SP1: variants seen among roughly 807,000 people sequenced by gnomAD.
The protein encoded by SP1 is Sp1 transcription factor.
In SP1, 6 loss-of-function variants were observed where a neutral mutation model predicts 66.3. The ratio of observed to expected loss-of-function variants is 0.09; its 90% CI spans 0.05 to 0.18. SP1 has a LOEUF of 0.18. Among genes scored for constraint, SP1 ranks in the 10% least tolerant of loss-of-function variants. SP1 has a pLI of 1.00. For synonymous variants in SP1, 417 were observed against 360.8 expected (o/e 1.16, Z -1.77); for missense variants, 848 against 964.5 (o/e 0.88, Z 1.60).
At chr12:53,388,918 C>T (rs904441417) in intron 3 of SP1, among the ~76,000 whole-genome samples, 93 of 150,662 alleles carry the variant, frequency 6.2e-4, no homozygotes, top group African/African-American at 2.1e-3. Flanking sequence ...AGGTTGAGGA[C>T]GCAGTGAGCC....
Position 53,406,833 on chromosome 12 carries a change from T to G in SP1, c.1844+80T>G. On this transcript the variant is annotated intron_variant, in intron 4 of 5. Transcript: ENST00000327443. ...AGATAAGAGGAAGAAGATTAATTTT[T>G]TTTTTTTTTGAGACCGAGTCTGACT... 4.4e-6 allele frequency: 6 copies of G among 1,348,520 alleles called. No individual in the cohort carries two copies. In the South Asian group the frequency reaches 8.5e-5, roughly 19 times the overall value. The allele number at this position is 1,348,520 out of a possible 1,614,324, so 83.5% of individuals were successfully genotyped here.
intron 3 of SP1, among the ~76,000 whole-genome samples, chr12:53,384,936 G>T (rs1938192361): frequency 6.6e-6 from 1 of 150,932 alleles, no homozygotes; most frequent in African/African-American, 2.4e-5. Context: ...AGTGAGCCAA[G>T]ATTGCACCAC....
Position 53,381,695 on chromosome 12 carries a change from T to G in SP1, c.44T>G (p.Val15Gly). The change falls in exon 2 of 6, where the codon GTG becomes GGG. Residue 15 changes from valine (V) to glycine (G), a missense_variant. Val to Gly is a moderately radical substitution (Grantham distance 109). Coordinates refer to ENST00000327443, the MANE Select transcript of SP1 (RefSeq NM_138473.3). ...DHSMDEMTAV[V>G]KIEKGVGGNN... ...TCCATGGATGAAATGACAGCTGTGG[T>G]GAAAATTGAAAAAGGAGTTGGTGGC... 6.2e-7 allele frequency: 1 copy of G among 1,613,746 alleles called. No homozygotes were observed. The highest frequency in any genetic ancestry group is 8.5e-7 in the Non-Finnish European group (1 of 1,179,862).
In SP1 at chr12:53,380,198, C is replaced by T. The variant is rs1018593327; in HGVS notation, c.-94C>T. On this transcript the variant is annotated 5_prime_UTR_variant, in exon 1 of 6. Coordinates refer to ENST00000327443, the MANE Select transcript of SP1 (RefSeq NM_138473.3). ...CTTACCCCCCCCTCCCTGTCCGGTC[C>T]GGGTTCGCTTGCCTCGTCAGCGTCC... 2.2e-6 allele frequency: 2 copies of T among 891,638 alleles called. No homozygotes were observed. Among genetic ancestry groups the T allele is most frequent in the Non-Finnish European group, 3.7e-6 (2 of 540,312 alleles). The allele number at this position is 891,638 out of a possible 1,614,324, so 55.2% of individuals were successfully genotyped here. A position where few individuals can be genotyped will look rare whatever the true frequency, so the allele number is the denominator to read the frequency against.
intron 3 of SP1, among the ~76,000 whole-genome samples, chr12:53,389,395 G>T (rs1938302424): frequency 6.6e-6 from 1 of 151,760 alleles, no homozygotes; most frequent in African/African-American, 2.4e-5. Flanking sequence ...TTTTAATCGA[G>T]ATTGAGTTTC....
chr12:53,388,977 C>CAAA (rs59161932), intron 3 of SP1, among the ~76,000 whole-genome samples: 2 of 140,124 alleles, frequency 1.4e-5, no homozygotes, highest in Admixed American at 7.2e-5. Context: ...GAGTCCCTGT[C>CAAA]AAAAAAAAAA....
chr12:53,394,604 G>A (rs1463031032), intron 3 of SP1, among the ~76,000 whole-genome samples: 1 of 135,192 alleles, frequency 7.4e-6, no homozygotes, highest in Non-Finnish European at 1.6e-5. Flanking sequence ...TTGGAGATAA[G>A]GTCTTTTTTT....
At chr12:53,380,941 T>C (rs1383884522) in intron 1 of SP1, among the ~76,000 whole-genome samples, 2 of 145,952 alleles carry the variant, frequency 1.4e-5, no homozygotes, top group African/African-American at 5.3e-5. Flanking sequence ...TGGATTTTTG[T>C]TTGTCTTTTT....
chr12:53,397,005 T>C (rs1938506625), intron 3 of SP1, among the ~76,000 whole-genome samples: 1 of 152,068 alleles, frequency 6.6e-6, no homozygotes, highest in Admixed American at 6.6e-5. Context: ...TCATTTACCT[T>C]TCTAGACCCT....
At chr12:53,389,508 C>T (rs1592559533) in intron 3 of SP1, among the ~76,000 whole-genome samples, 2 of 151,848 alleles carry the variant, frequency 1.3e-5, no homozygotes, top group Admixed American at 6.6e-5. Context: ...TGTGCCCAGC[C>T]GCTAATTTTT....
In SP1 at chr12:53,395,898, G is replaced by A. The variant is rs192580889; in HGVS notation, c.1676-10687G>A. 1.7e-3 allele frequency among the ~76,000 whole-genome samples: 262 copies of A among 152,138 alleles called. 1 individual carries two copies. The highest frequency in any genetic ancestry group is 6.8e-3 in the Middle Eastern group (2 of 292). On this transcript the variant is annotated intron_variant, in intron 3 of 5. Transcript: ENST00000327443. ...GCACTTTGGGAGGCTGAAGCGAGTG[G>A]ATCACAAGGTCAGGAGTTTGAGACC...
intron 3 of SP1, among the ~76,000 whole-genome samples, chr12:53,404,943 C>T (rs1315895552): frequency 1.3e-5 from 2 of 152,116 alleles, no homozygotes; most frequent in Non-Finnish European, 2.9e-5. Flanking sequence ...TCAAGCAATT[C>T]CTGTCTCAGC....
Position 53,411,442 on chromosome 12 carries a change from A to G in SP1, c.*202A>G, listed in dbSNP as rs1184348238. ...CATCAGTGCCTCTTTGAAGGTGGGAAACATTAGTGAAAATTCTGTTGGTGC... is the reference window on the plus strand; with the variant it reads ...CATCAGTGCCTCTTTGAAGGTGGGAGACATTAGTGAAAATTCTGTTGGTGC... On this transcript the variant is annotated 3_prime_UTR_variant, in exon 6 of 6. Coordinates refer to ENST00000327443, the MANE Select transcript of SP1 (RefSeq NM_138473.3). 6.1e-6 allele frequency: 3 copies of G among 489,600 alleles called. No individual in the cohort carries two copies. The East Asian group carries it at 9.7e-5, about 16-fold the overall frequency. 30.3% of individuals were successfully genotyped at this position (489,600 alleles called of 1,614,324 possible).
chr12:53,395,023 GT>G (rs1565812509), intron 3 of SP1, among the ~76,000 whole-genome samples: 2 of 151,978 alleles, frequency 1.3e-5, no homozygotes, highest in Non-Finnish European at 2.9e-5. Context: ...AGTTTCTTTG[GT>G]TTGGTGTCCC....
chr12:53,406,028 G>A (rs1158071002), intron 3 of SP1, among the ~76,000 whole-genome samples: 1 of 143,862 alleles, frequency 7.0e-6, no homozygotes, highest in Non-Finnish European at 1.5e-5. Flanking sequence ...GATTTGATCA[G>A]ATTTTTACGT....
Position 53,382,120 on chromosome 12 carries a change from C to T in SP1, c.173C>T (p.Pro58Leu). 6.2e-7 allele frequency: 1 copy of T among 1,613,866 alleles called. No homozygotes were observed. The highest frequency in any genetic ancestry group is 8.5e-7 in the Non-Finnish European group (1 of 1,179,858). Reference protein sequence around the residue: ...STGGGGQESQPSPLALLAATC... With the variant: ...STGGGGQESQLSPLALLAATC... ...CTTATTTTCGGCCAGGAGTCCCAGC[C>T]ATCCCCTTTGGCTCTGCTGGCAGCA... The change falls in exon 3 of 6, where the codon CCA becomes CTA. Residue 58 changes from proline (P) to leucine (L), a missense_variant. Transcript: ENST00000327443.
Position 53,380,248 on chromosome 12 carries a change from C to G in SP1, c.-44C>G, listed in dbSNP as rs762781899. 5 of 1,418,346 alleles carry G rather than the reference C, an allele frequency of 3.5e-6. No homozygotes were observed. The highest frequency in any genetic ancestry group is 5.0e-6 in the Non-Finnish European group (5 of 1,004,948). The allele number at this position is 1,418,346 out of a possible 1,614,324, so 87.9% of individuals were successfully genotyped here. A position where few individuals can be genotyped will look rare whatever the true frequency, so the allele number is the denominator to read the frequency against. On this transcript the variant is annotated 5_prime_UTR_variant, in exon 1 of 6. Coordinates refer to ENST00000327443, the MANE Select transcript of SP1 (RefSeq NM_138473.3). ...CGCGTTTTTCCCGGCCCCCCCCAAC[C>G]CCCCCGGACAGGACCCCCTTGAGCT...
At chr12:53,404,464 C>T (rs1011609134) in intron 3 of SP1, among the ~76,000 whole-genome samples, 14 of 151,626 alleles carry the variant, frequency 9.2e-5, no homozygotes, top group Non-Finnish European at 1.9e-4. Context: ...ATCGCTTGAA[C>T]CCAGGAGGCG....
intron 3 of SP1, among the ~76,000 whole-genome samples, chr12:53,403,702 C>G (rs1223341472): frequency 2.0e-5 from 3 of 152,042 alleles, no homozygotes; most frequent in African/African-American, 7.2e-5. Context: ...TTACAAGATG[C>G]TGTGATAGAC....
Sources: gnomAD v4.1 joint callset for allele counts (sites outside exome capture counted in the v4.1 genomes callset) on GRCh38, gnomAD v4.1.1 for gene constraint, MANE v1.5 for transcripts, NCBI Gene and HGNC (gene_info 2026-07-23, HGNC 2026-07-21) for gene names.